WDPCP: variants seen among roughly 807,000 people sequenced by gnomAD.
WDPCP encodes WD repeat containing planar cell polarity effector.
A neutral mutation model predicts 93.1 loss-of-function variants in WDPCP; 71 were observed. The ratio of observed to expected loss-of-function variants is 0.76; its 90% CI spans 0.63 to 0.93. WDPCP has a LOEUF of 0.93. WDPCP is among the 40% of genes least tolerant of loss of function. The probability of loss-of-function intolerance (pLI) is 0.00; values close to 1 mark genes in which losing one functional copy is unlikely to be tolerated. For missense variants in WDPCP, 844 were observed against 887.4 expected, an observed-to-expected ratio of 0.95 and a Z score of 0.62; for synonymous variants, 315 against 315.0, an observed-to-expected ratio of 1.00 and a Z score of 0.00.
chr2:63,528,921 G>A (rs1227212520), intron 1 of WDPCP, among the ~76,000 whole-genome samples: 1 of 152,116 alleles, frequency 6.6e-6, no homozygotes, highest in African/African-American at 2.4e-5. Flanking sequence ...CCTTGAAGAG[G>A]TTCTTCACAT....
intron 2 of WDPCP, among the ~76,000 whole-genome samples, chr2:63,713,053 G>A (rs1669287111): frequency 6.6e-6 from 1 of 152,162 alleles, no homozygotes; most frequent in Admixed American, 6.5e-5. Context: ...TTGTAATTTT[G>A]AGGAGTAATT....
intron 14 of WDPCP, among the ~76,000 whole-genome samples, chr2:63,219,524 CTTGTATTTTCTTAAAGTGA>C (rs1458956179): frequency 1.3e-5 from 2 of 152,120 alleles, no homozygotes; most frequent in Admixed American, 6.5e-5. Context: ...AAAGAGTAGT[CTTGTATTTTCTTAAAGTGA>C]TTGATGTAAG....
At chr2:63,587,513 G>T (rs1181161499) in intron 1 of WDPCP, among the ~76,000 whole-genome samples, 1 of 152,160 alleles carries the variant, frequency 6.6e-6, no homozygotes, top group Non-Finnish European at 1.5e-5. Flanking sequence ...GATATTACTT[G>T]GCATTCATTT....
intron 14 of WDPCP, among the ~76,000 whole-genome samples, chr2:63,241,918 G>A (rs1679887021): frequency 6.6e-6 from 1 of 152,010 alleles, no homozygotes; most frequent in South Asian, 2.1e-4. Context: ...TGCCATTTTA[G>A]GAAGAAGATA....
intron 12 of WDPCP, among the ~76,000 whole-genome samples, chr2:63,321,781 T>C (rs1029610514): frequency 2.0e-5 from 3 of 152,190 alleles, no homozygotes; most frequent in African/African-American, 4.8e-5. Context: ...TTTTAAAAAA[T>C]TGTTTTGATT....
chr2:63,140,620 CTGT>C (rs1670993593), intron 17 of WDPCP, among the ~76,000 whole-genome samples: 1 of 150,714 alleles, frequency 6.6e-6, no homozygotes, highest in South Asian at 2.1e-4. Context: ...CACTTGGTTG[CTGT>C]TGTTGTATAG....
Position 63,381,387 on chromosome 2 carries a change from G to A in WDPCP, c.1624+519C>T, listed in dbSNP as rs959035167. 2.6e-5 allele frequency among the ~76,000 whole-genome samples: 4 copies of A among 152,042 alleles called. No homozygotes were observed. The East Asian group carries it at 7.7e-4, about 29-fold the overall frequency. On this transcript the variant is annotated intron_variant, in intron 11 of 17. Coordinates refer to ENST00000272321, the MANE Select transcript of WDPCP (RefSeq NM_015910.7). ...AAATCCAAGCAGGCAGAAGAGAGAAGAGTGTTACAACTATAAGTCAGAATA... is the reference window on the plus strand; with the variant it reads ...AAATCCAAGCAGGCAGAAGAGAGAAAAGTGTTACAACTATAAGTCAGAATA...
intron 12 of WDPCP, among the ~76,000 whole-genome samples, chr2:63,352,255 C>T (rs1019877685): frequency 9.2e-5 from 14 of 152,100 alleles, no homozygotes; most frequent in African/African-American, 3.1e-4. Context: ...TTTTGCTGTG[C>T]AGAAGCTCTT....
intron 14 of WDPCP, among the ~76,000 whole-genome samples, chr2:63,187,000 C>T (rs1426234066): frequency 6.6e-6 from 1 of 151,834 alleles, no homozygotes; most frequent in Non-Finnish European, 1.5e-5. Flanking sequence ...TGTATTTATC[C>T]CTTCAATTCT....
At chr2:63,676,780 T>C (rs562899407) in intron 2 of WDPCP, among the ~76,000 whole-genome samples, 1 of 92,478 alleles carries the variant, frequency 1.1e-5, no homozygotes, top group Non-Finnish European at 2.0e-5. Flanking sequence ...AAAAATTGCA[T>C]AGAACTACAC....
intron 2 of WDPCP, among the ~76,000 whole-genome samples, chr2:63,808,880 C>T (rs1247613523): frequency 4.6e-5 from 7 of 151,720 alleles, no homozygotes; most frequent in African/African-American, 1.7e-4. Flanking sequence ...CGGCCGCCAT[C>T]CCATCTAGGA....
intron 13 of WDPCP, among the ~76,000 whole-genome samples, chr2:63,259,749 A>G (rs1338976553): frequency 3.3e-5 from 5 of 152,172 alleles, no homozygotes; most frequent in Admixed American, 6.5e-5. Context: ...TGTGTCTTCA[A>G]ATTTTAATTG....
chr2:63,137,967 A>G (rs1382299818), intron 17 of WDPCP, among the ~76,000 whole-genome samples: 1 of 151,064 alleles, frequency 6.6e-6, no homozygotes, highest in Non-Finnish European at 1.5e-5. Flanking sequence ...GTTCTGTAGT[A>G]TAGTTTGAAG....
chr2:63,151,406 G>T (rs546135221), intron 17 of WDPCP, among the ~76,000 whole-genome samples: 2 of 152,110 alleles, frequency 1.3e-5, no homozygotes, highest in Non-Finnish European at 2.9e-5. Flanking sequence ...TGTGTTTTTA[G>T]TAGAGATGGG....
At chr2:63,184,836 A>C (rs80065994) in intron 14 of WDPCP, among the ~76,000 whole-genome samples, 3,977 of 152,282 alleles carry the variant, frequency 0.026, 86 homozygotes, top group Non-Finnish European at 0.037. Flanking sequence ...CTTCCCCCTC[A>C]GGAACACCAA....
At chr2:63,689,513 C>A (rs1398167751) in intron 2 of WDPCP, among the ~76,000 whole-genome samples, 1 of 152,118 alleles carries the variant, frequency 6.6e-6, no homozygotes, top group African/African-American at 2.4e-5. Flanking sequence ...CAACTATCTT[C>A]TATCAGGCTG....
intron 12 of WDPCP, among the ~76,000 whole-genome samples, chr2:63,375,412 T>G (rs1368200333): frequency 6.6e-6 from 1 of 151,978 alleles, no homozygotes; most frequent in Non-Finnish European, 1.5e-5. Context: ...TTTAAAATTT[T>G]ATTATAATAA....
chr2:63,141,604 G>T (rs1203966763), intron 17 of WDPCP, among the ~76,000 whole-genome samples: 1 of 152,220 alleles, frequency 6.6e-6, no homozygotes, highest in Middle Eastern at 3.4e-3. Flanking sequence ...TCCTTTCCTG[G>T]ATTTGGTATT....
At chr2:63,630,374 T>A (rs1026472582) in intron 3 of WDPCP, among the ~76,000 whole-genome samples, 1 of 152,092 alleles carries the variant, frequency 6.6e-6, no homozygotes, top group Non-Finnish European at 1.5e-5. Context: ...CCTAACTACA[T>A]ACAGTCTACA....
Sources: gnomAD v4.1 joint callset for allele counts (sites outside exome capture counted in the v4.1 genomes callset) on GRCh38, gnomAD v4.1.1 for gene constraint, MANE v1.5 for transcripts, NCBI Gene and HGNC (gene_info 2026-07-23, HGNC 2026-07-21) for gene names.